The following MRPS28 variants were observed in gnomAD, a reference collection of about 807,000 sequenced individuals.
MRPS28 encodes small ribosomal subunit protein bS1m.
In MRPS28, 7 loss-of-function variants were observed where a neutral mutation model predicts 10.8. The ratio of observed to expected loss-of-function variants is 0.65; its 90% CI spans 0.37 to 1.22. The LOEUF is 1.22. Ranked by LOEUF, MRPS28 falls within the 50% of genes most tolerant of loss-of-function variation. The probability of loss-of-function intolerance (pLI) is 0.02; values close to 1 mark genes in which losing one functional copy is unlikely to be tolerated. For missense variants in MRPS28, 265 were observed against 232.9 expected, an observed-to-expected ratio of 1.14 and a Z score of -0.90; for synonymous variants, 121 against 93.3, an observed-to-expected ratio of 1.30 and a Z score of -1.71.
At chr8:79,919,863 A>G (rs1030648280) in intron 2 of MRPS28, among the ~76,000 whole-genome samples, 5 of 152,020 alleles carry the variant, frequency 3.3e-5, no homozygotes, top group African/African-American at 4.8e-5. Context: ...TTTGTTACAT[A>G]TGTATACATG....
chr8:79,994,198 GAA>G (rs1030122921), intron 2 of MRPS28, among the ~76,000 whole-genome samples: 12 of 152,108 alleles, frequency 7.9e-5, no homozygotes, highest in African/African-American at 2.7e-4. Context: ...TTAATGAAAT[GAA>G]AAGATTTGGA....
chr8:79,997,037 G>A (rs1191590744), intron 2 of MRPS28, among the ~76,000 whole-genome samples: 6 of 151,986 alleles, frequency 3.9e-5, no homozygotes, highest in Admixed American at 3.9e-4. Context: ...GAATATATAA[G>A]ACAATATACA....
intron 1 of MRPS28, among the ~76,000 whole-genome samples, chr8:80,024,475 GCTCTTGATTA>G (rs979713269): frequency 1.3e-5 from 2 of 152,118 alleles, no homozygotes; most frequent in Admixed American, 6.5e-5. Flanking sequence ...ATGATGCATT[GCTCTTGATTA>G]AATTCCTGGC....
At chr8:80,015,409 G>T (rs1809168553) in intron 1 of MRPS28, among the ~76,000 whole-genome samples, 1 of 152,146 alleles carries the variant, frequency 6.6e-6, no homozygotes, top group Non-Finnish European at 1.5e-5. Context: ...CTGGAGGAAG[G>T]GAAATAACCA....
At chr8:79,945,375 C>A (rs575802103) in intron 2 of MRPS28, among the ~76,000 whole-genome samples, 1 of 152,162 alleles carries the variant, frequency 6.6e-6, no homozygotes, top group African/African-American at 2.4e-5. Flanking sequence ...CACATAGGCA[C>A]CAGATGATAG....
chr8:80,030,050 C>T lies in MRPS28; in HGVS notation c.199G>A (p.Glu67Lys). Reference protein sequence around the residue: ...ERHSELLQKVEPLQKGSPKNV... With the variant: ...ERHSELLQKVKPLQKGSPKNV... ...CCGGGCTCCACCTTCTGTAGGGGCTCCACCTTCTGTAGAAGCTCCGAGTGC... is the reference window on the plus strand; with the variant it reads ...CCGGGCTCCACCTTCTGTAGGGGCTTCACCTTCTGTAGAAGCTCCGAGTGC... Residue 67 changes from glutamate to lysine, a missense_variant, in exon 1 of 3, where the codon GAG becomes AAG. Transcript: ENST00000276585. The T allele has an allele frequency of 6.2e-7, 1 of 1,613,346 alleles. No homozygotes were observed. Among genetic ancestry groups the T allele is most frequent in the Non-Finnish European group, 8.5e-7 (1 of 1,179,610 alleles).
intron 2 of MRPS28, among the ~76,000 whole-genome samples, chr8:79,939,583 G>A (rs1021252518): frequency 1.3e-5 from 2 of 152,042 alleles, no homozygotes; most frequent in Non-Finnish European, 2.9e-5. Flanking sequence ...CAATGTACTT[G>A]CCTCCCTAGT....
chr8:79,953,813 A>G (rs1243818622), intron 2 of MRPS28, among the ~76,000 whole-genome samples: 1 of 152,226 alleles, frequency 6.6e-6, no homozygotes, highest in Non-Finnish European at 1.5e-5. Flanking sequence ...CTACCCAGAT[A>G]TATAAAGAAA....
intron 2 of MRPS28, among the ~76,000 whole-genome samples, chr8:79,944,095 A>T (rs189658320): frequency 6.6e-6 from 1 of 152,372 alleles, no homozygotes; most frequent in Admixed American, 6.5e-5. Flanking sequence ...GGCTACAACT[A>T]CAATAATGAA....
At chr8:79,994,164 G>A (rs574158997) in intron 2 of MRPS28, among the ~76,000 whole-genome samples, 4 of 152,166 alleles carry the variant, frequency 2.6e-5, no homozygotes, top group South Asian at 2.1e-4. Context: ...TACAACTCTC[G>A]AAAAATCAAA....
intron 2 of MRPS28, among the ~76,000 whole-genome samples, chr8:79,919,986 T>G (rs912736592): frequency 5.6e-5 from 7 of 125,482 alleles, no homozygotes; most frequent in African/African-American, 1.8e-4. Flanking sequence ...TTCCCCTTCC[T>G]GTGTCCATGT....
At chr8:79,962,701 T>C (rs980596590) in intron 2 of MRPS28, among the ~76,000 whole-genome samples, 1 of 152,074 alleles carries the variant, frequency 6.6e-6, no homozygotes, top group Non-Finnish European at 1.5e-5. Context: ...AAATAATGAA[T>C]TGCGGCAGTG....
At chr8:79,922,985 T>C (rs529704233) in intron 2 of MRPS28, among the ~76,000 whole-genome samples, 1 of 152,248 alleles carries the variant, frequency 6.6e-6, no homozygotes, top group East Asian at 1.9e-4. Flanking sequence ...GAAATTTACG[T>C]ATGGTCCATC....
chr8:79,969,506 T>C (rs1350851338), intron 2 of MRPS28, among the ~76,000 whole-genome samples: 1 of 152,120 alleles, frequency 6.6e-6, no homozygotes, highest in Non-Finnish European at 1.5e-5. Flanking sequence ...AGAAATCCTG[T>C]AGACTTTTAA....
chr8:79,982,386 T>C (rs1277544895), intron 2 of MRPS28, among the ~76,000 whole-genome samples: 3 of 152,198 alleles, frequency 2.0e-5, no homozygotes, highest in African/African-American at 7.2e-5. Flanking sequence ...TGGGTTCATC[T>C]CACTGGGGAG....
intron 2 of MRPS28, among the ~76,000 whole-genome samples, chr8:79,961,153 T>C (rs941740176): frequency 2.6e-5 from 4 of 152,148 alleles, no homozygotes; most frequent in Admixed American, 2.6e-4. Flanking sequence ...AGAGGAACAC[T>C]GAGTAACCTA....
At chr8:79,998,629 A>G (rs1207049460) in intron 2 of MRPS28, among the ~76,000 whole-genome samples, 1 of 152,212 alleles carries the variant, frequency 6.6e-6, no homozygotes, top group African/African-American at 2.4e-5. Flanking sequence ...GAGCTATAAT[A>G]CATAAAACAG....
intron 2 of MRPS28, among the ~76,000 whole-genome samples, chr8:79,948,776 A>T (rs780892151): frequency 4.6e-5 from 7 of 151,912 alleles, no homozygotes; most frequent in Non-Finnish European, 7.4e-5. Flanking sequence ...ATTTTTTTTC[A>T]CAAGTTAAAC....
chr8:79,973,814 C>T (rs947448673), intron 2 of MRPS28, among the ~76,000 whole-genome samples: 1 of 125,202 alleles, frequency 8.0e-6, no homozygotes, highest in African/African-American at 3.0e-5. Flanking sequence ...CGAGTTCTCA[C>T]AGAAAAGGGC....
Sources: gnomAD v4.1 joint callset for allele counts (sites outside exome capture counted in the v4.1 genomes callset) on GRCh38, gnomAD v4.1.1 for gene constraint, MANE v1.5 for transcripts, NCBI Gene and HGNC (gene_info 2026-07-23, HGNC 2026-07-21) for gene names.